LPGAT1: variants seen among roughly 807,000 people sequenced by gnomAD.
The protein encoded by LPGAT1 is acyl-CoA:lysophosphatidylglycerol acyltransferase 1.
In LPGAT1, 11 loss-of-function variants were observed where a neutral mutation model predicts 47.5. The ratio of observed to expected loss-of-function variants is 0.23; its 90% CI spans 0.15 to 0.38. The LOEUF is 0.38. Ranked by LOEUF, LPGAT1 falls within the 10% of genes least tolerant of loss-of-function variation. LPGAT1 has a pLI of 1.00. For missense variants in LPGAT1, 293 were observed against 439.0 expected, an observed-to-expected ratio of 0.67 and a Z score of 2.97; for synonymous variants, 138 against 144.2, an observed-to-expected ratio of 0.96 and a Z score of 0.31.
chr1:211,778,487 T>C (rs1658507857), intron 6 of LPGAT1, among the ~76,000 whole-genome samples: 1 of 152,180 alleles, frequency 6.6e-6, no homozygotes, highest in Admixed American at 6.5e-5. Flanking sequence ...CATTCTTTTA[T>C]TCCTTTACTT....
At chr1:211,814,359 T>C (rs1048755472) in intron 2 of LPGAT1, among the ~76,000 whole-genome samples, 5 of 151,910 alleles carry the variant, frequency 3.3e-5, no homozygotes, top group Admixed American at 6.6e-5. Flanking sequence ...GACAGGCAGG[T>C]AGAAATTTTC....
intron 4 of LPGAT1, among the ~76,000 whole-genome samples, chr1:211,785,007 G>A (rs1479364149): frequency 2.0e-5 from 3 of 152,118 alleles, no homozygotes; most frequent in Non-Finnish European, 2.9e-5. Context: ...ATTTCACCGT[G>A]TTAGCCAGGA....
intron 2 of LPGAT1, among the ~76,000 whole-genome samples, chr1:211,798,374 A>G (rs1201383837): frequency 2.0e-5 from 3 of 152,184 alleles, no homozygotes; most frequent in African/African-American, 7.2e-5. Context: ...TCATATGAAA[A>G]TCAGTCTAAT....
chr1:211,782,986 T>A (rs1031605976), intron 5 of LPGAT1, among the ~76,000 whole-genome samples: 4 of 152,188 alleles, frequency 2.6e-5, no homozygotes, highest in African/African-American at 9.6e-5. Flanking sequence ...TGGGAATGGC[T>A]CCGTATAAGT....
intron 2 of LPGAT1, among the ~76,000 whole-genome samples, chr1:211,806,249 G>T (rs1448894058): frequency 6.7e-6 from 1 of 148,774 alleles, no homozygotes; most frequent in Non-Finnish European, 1.5e-5. Flanking sequence ...AACAGGGCGA[G>T]GGTCTGTCTC....
chr1:211,766,754 T>A (rs1164927523), intron 6 of LPGAT1, among the ~76,000 whole-genome samples: 1 of 152,192 alleles, frequency 6.6e-6, no homozygotes. Flanking sequence ...ATCACTAGCC[T>A]GGGAAAAGAT....
At chr1:211,793,218 G>T (rs1166368813) in intron 2 of LPGAT1, 28 bp from the exon 3 acceptor site, 5 of 1,471,972 alleles carry the variant, frequency 3.4e-6, no homozygotes, top group Non-Finnish European at 4.7e-6. Flanking sequence ...TTTCAAAGCT[G>T]TCATTTTAAA....
At chr1:211,819,271 C>A (rs1199319084) in intron 2 of LPGAT1, among the ~76,000 whole-genome samples, 3 of 152,130 alleles carry the variant, frequency 2.0e-5, no homozygotes, top group Admixed American at 6.5e-5. Flanking sequence ...GGTGAAAGGA[C>A]TGCCTGAGGC....
At chr1:211,798,387 T>C (rs2102564730) in intron 2 of LPGAT1, among the ~76,000 whole-genome samples, 1 of 152,086 alleles carries the variant, frequency 6.6e-6, no homozygotes, top group South Asian at 2.1e-4. Context: ...AGTCTAATAG[T>C]AAAGATTAAA....
At position 211,771,768 on chromosome 1, in the gene LPGAT1, G is replaced by A. The variant is rs555859857; in HGVS notation, c.854+7150C>T. 2.0e-5 allele frequency among the ~76,000 whole-genome samples: 3 copies of A among 152,178 alleles called. No homozygotes were observed. In the South Asian group the frequency reaches 6.2e-4, roughly 32 times the overall value. Reference sequence around the variant, plus strand: ...CTGCCTGCCTCAGGCCTCCCAAAGTGCTGGGATTACAGGCGTGAGCGACCG... The same window carrying A: ...CTGCCTGCCTCAGGCCTCCCAAAGTACTGGGATTACAGGCGTGAGCGACCG... On this transcript the variant is annotated intron_variant, in intron 6 of 7. Transcript: ENST00000366997.
At chr1:211,798,083 C>T (rs1045182652) in intron 2 of LPGAT1, among the ~76,000 whole-genome samples, 1 of 152,052 alleles carries the variant, frequency 6.6e-6, no homozygotes, top group Non-Finnish European at 1.5e-5. Flanking sequence ...ATCAAAAACT[C>T]CTTAACAACA....
chr1:211,810,827 G>C (rs1659962167), intron 2 of LPGAT1, among the ~76,000 whole-genome samples: 1 of 152,172 alleles, frequency 6.6e-6, no homozygotes, highest in Non-Finnish European at 1.5e-5. Context: ...AGCTGGTACT[G>C]AGAAGAAGAG....
chr1:211,808,326 C>T (rs558882800), intron 2 of LPGAT1, among the ~76,000 whole-genome samples: 63 of 140,682 alleles, frequency 4.5e-4, no homozygotes, highest in African/African-American at 1.6e-3. Context: ...CTCCAGTCTG[C>T]GCAACAAGGG....
At chr1:211,807,167 C>T (rs1332096851) in intron 2 of LPGAT1, among the ~76,000 whole-genome samples, 1 of 151,968 alleles carries the variant, frequency 6.6e-6, no homozygotes, top group Non-Finnish European at 1.5e-5. Context: ...ATACTATTTA[C>T]AAAAGCTCCT....
chr1:211,830,328 T>A lies in LPGAT1; in HGVS notation c.-28+245A>T. ...GCTGGCGCCCTACTCCCCTCGCGGC[T>A]GCCTGCGGACAGAGGGACGGCGGGG... is the stretch of plus-strand genomic sequence containing the variant. On this transcript the variant is annotated intron_variant, in intron 1 of 7. Coordinates refer to ENST00000366997, the MANE Select transcript of LPGAT1 (RefSeq NM_014873.3). This position sits in a 1 kb window ranked among gnomAD's most constrained non-coding sequence, Gnocchi z 5.9. The A allele has an allele frequency of 8.9e-7, 1 of 1,123,276 alleles. No homozygotes were observed. The highest frequency in any genetic ancestry group is 1.1e-6 in the Non-Finnish European group (1 of 918,438). 69.6% of individuals were successfully genotyped at this position (1,123,276 alleles called of 1,614,324 possible).
At chr1:211,779,669 G>T (rs1485197379) in intron 5 of LPGAT1, among the ~76,000 whole-genome samples, 1 of 151,994 alleles carries the variant, frequency 6.6e-6, no homozygotes, top group African/African-American at 2.4e-5. Flanking sequence ...TGGCCAGCGT[G>T]GTGAAACCCC....
In LPGAT1 at chr1:211,799,171, A is replaced by AT. The variant is rs551868500; in HGVS notation, c.239-5982dup. Among the ~76,000 whole-genome samples, 183 of 152,234 alleles carry AT rather than the reference A, an allele frequency of 1.2e-3. 1 individual carries two copies. The highest frequency in any genetic ancestry group is 2.6e-3 in the Admixed American group (40 of 15,288). On this transcript the variant is annotated intron_variant, in intron 2 of 7. Coordinates refer to ENST00000366997, the MANE Select transcript of LPGAT1 (RefSeq NM_014873.3). ...TGGTCAGTGTCCCTTTGACTCTTAA[A>AT]TTTTAAGAGGTTAAAATTTGAGAAA... is the stretch of plus-strand genomic sequence containing the variant.
intron 7 of LPGAT1, 36 bp downstream of exon 7, chr1:211,750,925 C>T (rs376666212): frequency 2.9e-5 from 41 of 1,422,638 alleles, no homozygotes; most frequent in South Asian, 3.6e-5. Context: ...ATTACTGTTG[C>T]TATAATTTAG....
chr1:211,749,828 T>A lies in LPGAT1; in HGVS notation c.*71A>T, dbSNP rs200758825. ...TTTTAAATATATTCTGATTTGCACA[T>A]GTAAAATAATGCACACTTATGAAAG... On this transcript the variant is annotated 3_prime_UTR_variant, in exon 8 of 8. Transcript: ENST00000366997. 13 of 1,445,658 alleles carry A rather than the reference T, an allele frequency of 9.0e-6. No individual in the cohort carries two copies. The highest frequency in any genetic ancestry group is 1.1e-5 in the Non-Finnish European group (11 of 1,045,364). The allele number at this position is 1,445,658 out of a possible 1,614,324, so 89.6% of individuals were successfully genotyped here. A position where few individuals can be genotyped will look rare whatever the true frequency, so the allele number is the denominator to read the frequency against.
Sources: gnomAD v4.1 joint callset for allele counts (sites outside exome capture counted in the v4.1 genomes callset) on GRCh38, gnomAD v4.1.1 for gene constraint, Gnocchi (gnomAD v3.1) non-coding constraint, MANE v1.5 for transcripts, NCBI Gene and HGNC (gene_info 2026-07-23, HGNC 2026-07-21) for gene names.